Variants in FOXN1 observed in about 807,000 individuals in gnomAD.
The protein encoded by FOXN1 is forkhead box protein N1.
Under a neutral mutation model 49.0 loss-of-function variants are expected in FOXN1, and 15 were observed. That is an observed-to-expected ratio of 0.31 (90% CI 0.20 to 0.47). The LOEUF is 0.47. Ranked by LOEUF, FOXN1 falls within the 20% of genes least tolerant of loss-of-function variation. The pLI, the probability that FOXN1 is intolerant of heterozygous loss-of-function variation, is 1.00. For missense variants in FOXN1, 800 were observed against 842.8 expected (o/e 0.95, Z 0.63); for synonymous variants, 356 against 369.0 (o/e 0.96, Z 0.40).
intron 1 of FOXN1, among the ~76,000 whole-genome samples, chr17:28,508,407 G>T (rs1309525817): frequency 1.3e-5 from 2 of 152,208 alleles, no homozygotes; most frequent in Non-Finnish European, 2.9e-5. Flanking sequence ...CTTCTGTCAT[G>T]TGCCATCCGT....
intron 1 of FOXN1, among the ~76,000 whole-genome samples, chr17:28,508,157 C>A (rs1597524171): frequency 6.6e-6 from 1 of 152,206 alleles, no homozygotes; most frequent in Non-Finnish European, 1.5e-5. Flanking sequence ...AGGGAGTTCT[C>A]AGAGGACTTT....
intron 1 of FOXN1, among the ~76,000 whole-genome samples, chr17:28,512,027 T>C (rs2069406587): frequency 6.6e-6 from 1 of 152,090 alleles, no homozygotes; most frequent in African/African-American, 2.4e-5. Flanking sequence ...GGTGACTTCA[T>C]TACAGGGGTA....
At position 28,538,456 on chromosome 17, in the gene FOXN1, A is replaced by G. The variant is rs951970540; in HGVS notation, c.*1020A>G. ...GTTATGTCCGATAAACCCATTGTAAATTGAAACCACCGAAAGTCAAAAACC... is the reference window on the plus strand; with the variant it reads ...GTTATGTCCGATAAACCCATTGTAAGTTGAAACCACCGAAAGTCAAAAACC... On this transcript the variant is annotated 3_prime_UTR_variant, in exon 9 of 9. Transcript: ENST00000579795. 6.6e-6 allele frequency: 1 copy of G among 152,224 alleles called. No homozygotes were observed. Among genetic ancestry groups the G allele is most frequent in the African/African-American group, 2.4e-5 (1 of 41,448 alleles). 9.4% of individuals were successfully genotyped at this position (152,224 alleles called of 1,614,324 possible). A position where few individuals can be genotyped will look rare whatever the true frequency, so the allele number is the denominator to read the frequency against.
intron 1 of FOXN1, among the ~76,000 whole-genome samples, chr17:28,514,603 G>T (rs960920895): frequency 2.0e-5 from 3 of 152,156 alleles, no homozygotes; most frequent in Non-Finnish European, 2.9e-5. Context: ...GCAGCCTGTC[G>T]GGTGGAGCCC....
At chr17:28,525,426 C>T (rs1435342590) in intron 3 of FOXN1, among the ~76,000 whole-genome samples, 1 of 152,128 alleles carries the variant, frequency 6.6e-6, no homozygotes, top group East Asian at 1.9e-4. Flanking sequence ...CTTCCTGGCC[C>T]CATTCTTTGC....
intron 1 of FOXN1, among the ~76,000 whole-genome samples, chr17:28,517,511 CACCTCCACAGGGTACAT>C (rs1257760051): frequency 1.3e-5 from 2 of 150,266 alleles, no homozygotes; most frequent in East Asian, 2.0e-4. Context: ...ACAGGGTACA[CACCTCCACAGGGTACAT>C]ACCTCCACAG....
chr17:28,537,489 C>T lies in FOXN1; in HGVS notation c.*53C>T, dbSNP rs1040034988. The T allele has an allele frequency of 4.6e-5, 65 of 1,415,278 alleles. No individual in the cohort carries two copies. The highest frequency in any genetic ancestry group is 6.8e-5 in the East Asian group (3 of 43,856). The allele number at this position is 1,415,278 out of a possible 1,614,324, so 87.7% of individuals were successfully genotyped here. On this transcript the variant is annotated 3_prime_UTR_variant, in exon 9 of 9. Coordinates refer to ENST00000579795, the MANE Select transcript of FOXN1 (RefSeq NM_001369369.1). ...GTTTGCCTGGTCTGGAAGTCCTGGC[C>T]GGCCGCCCACATCGGGCTCACCTTA...
chr17:28,524,411 C>A (rs2069714645), intron 2 of FOXN1, 92 bp from the exon 3 acceptor site: 3 of 1,132,688 alleles, frequency 2.6e-6, no homozygotes, highest in Middle Eastern at 1.9e-4. Context: ...CAGCCATAGA[C>A]CCCCTTTACC....
chr17:28,520,016 C>T (rs919184466), intron 1 of FOXN1, among the ~76,000 whole-genome samples: 1 of 151,942 alleles, frequency 6.6e-6, no homozygotes, highest in Non-Finnish European at 1.5e-5. Context: ...TGAGCATGTA[C>T]TATGTGTTAA....
chr17:28,523,243 A>G lies in FOXN1; in HGVS notation c.-14-713A>G, dbSNP rs577447077. The stretch of plus-strand genomic sequence containing the variant: ...AGTGGCCTGCACAAAGTCACAGGTT[A>G]GAGTTTGGAGGACACAGGTGGAACA... On this transcript the variant is annotated intron_variant, in intron 1 of 8. Transcript: ENST00000579795. Among the ~76,000 whole-genome samples the G allele has an allele frequency of 7.2e-5, 11 of 152,336 alleles. No individual in the cohort carries two copies. In the South Asian group the frequency reaches 2.3e-3, roughly 32 times the overall value.
At chr17:28,515,659 C>G (rs1235768671) in intron 1 of FOXN1, among the ~76,000 whole-genome samples, 1 of 151,820 alleles carries the variant, frequency 6.6e-6, no homozygotes, top group South Asian at 2.1e-4. Context: ...GGTGTACACA[C>G]CTCCACAGGG....
chr17:28,524,494 T>C lies in FOXN1; in HGVS notation c.124-9T>C. Reference sequence around the variant, plus strand: ...CCACTCACAGGCTCGCTACTCTCTGTCTACCCAGAAGCATGCCGGCTTCAG... The same window carrying C: ...CCACTCACAGGCTCGCTACTCTCTGCCTACCCAGAAGCATGCCGGCTTCAG... On this transcript the variant is annotated splice_polypyrimidine_tract_variant and intron_variant, in intron 2 of 8. Transcript: ENST00000579795. 6.2e-7 allele frequency: 1 copy of C among 1,613,108 alleles called. No individual in the cohort carries two copies. Among genetic ancestry groups the C allele is most frequent in the Middle Eastern group, 1.7e-4 (1 of 6,060 alleles).
At chr17:28,521,553 T>A (rs2069641420) in intron 1 of FOXN1, among the ~76,000 whole-genome samples, 1 of 152,248 alleles carries the variant, frequency 6.6e-6, no homozygotes, top group African/African-American at 2.4e-5. Flanking sequence ...TCCGCTGTGG[T>A]GTCCCGTTAC....
At chr17:28,514,600 G>A (rs1035631348) in intron 1 of FOXN1, among the ~76,000 whole-genome samples, 4 of 152,162 alleles carry the variant, frequency 2.6e-5, no homozygotes, top group Non-Finnish European at 4.4e-5. Context: ...CCAGCAGCCT[G>A]TCGGGTGGAG....
At chr17:28,509,513 G>C (rs1490474487) in intron 1 of FOXN1, among the ~76,000 whole-genome samples, 1 of 152,172 alleles carries the variant, frequency 6.6e-6, no homozygotes, top group Admixed American at 6.5e-5. Flanking sequence ...TCCCCGCCAG[G>C]TTCTGGGGTG....
chr17:28,526,983 C>T (rs1422418457), intron 3 of FOXN1, among the ~76,000 whole-genome samples: 1 of 152,192 alleles, frequency 6.6e-6, no homozygotes, highest in Non-Finnish European at 1.5e-5. Context: ...GCACAAGTCT[C>T]CCTGACTTCT....
chr17:28,509,422 C>A (rs1263581249), intron 1 of FOXN1, among the ~76,000 whole-genome samples: 1 of 152,160 alleles, frequency 6.6e-6, no homozygotes, highest in Non-Finnish European at 1.5e-5. Context: ...CTATCCCCAT[C>A]TCCACCTCCT....
chr17:28,513,471 G>A (rs2069434102), intron 1 of FOXN1, among the ~76,000 whole-genome samples: 1 of 152,158 alleles, frequency 6.6e-6, no homozygotes, highest in Non-Finnish European at 1.5e-5. Context: ...CTCTCCATCC[G>A]ATGATCTGTC....
intron 6 of FOXN1, among the ~76,000 whole-genome samples, chr17:28,533,741 A>G (rs528004272): frequency 1.3e-5 from 2 of 152,136 alleles, no homozygotes; most frequent in South Asian, 2.1e-4. Flanking sequence ...CCCTTCATAT[A>G]CCAAACCCAC....
Sources: gnomAD v4.1 joint callset for allele counts (sites outside exome capture counted in the v4.1 genomes callset) on GRCh38, gnomAD v4.1.1 for gene constraint, MANE v1.5 for transcripts, NCBI Gene and HGNC (gene_info 2026-07-23, HGNC 2026-07-21) for gene names.